UST: variants seen among roughly 807,000 people sequenced by gnomAD.
UST encodes the protein uronyl 2-sulfotransferase.
Under a neutral mutation model 45.6 loss-of-function variants are expected in UST, and 21 were observed. That is an observed-to-expected ratio of 0.46 (90% CI 0.33 to 0.66). The LOEUF (loss-of-function observed/expected upper bound fraction) is 0.66, where lower values mean the gene tolerates loss of function less well. Ranked by LOEUF, UST falls within the 30% of genes least tolerant of loss-of-function variation. The probability of loss-of-function intolerance (pLI) is 0.02; values close to 1 mark genes in which losing one functional copy is unlikely to be tolerated. For missense variants in UST, 463 were observed against 512.4 expected, an observed-to-expected ratio of 0.90 and a Z score of 0.93; for synonymous variants, 215 against 200.6, an observed-to-expected ratio of 1.07 and a Z score of -0.61.
intron 7 of UST, among the ~76,000 whole-genome samples, chr6:149,043,015 CT>C (rs761905752): frequency 8.4e-6 from 1 of 119,724 alleles, no homozygotes; most frequent in African/African-American, 3.7e-5. Flanking sequence ...TTCTTTCTTT[CT>C]TTCTTTTTCT....
At chr6:149,055,378 A>G (rs1166655225) in intron 7 of UST, among the ~76,000 whole-genome samples, 1 of 152,198 alleles carries the variant, frequency 6.6e-6, no homozygotes, top group Non-Finnish European at 1.5e-5. Flanking sequence ...TTAGAACATT[A>G]TGAAATTTCA....
chr6:148,999,946 CA>C (rs771030188), intron 5 of UST, among the ~76,000 whole-genome samples: 8 of 152,194 alleles, frequency 5.3e-5, no homozygotes, highest in Non-Finnish European at 8.8e-5. Context: ...AAGGATTTAC[CA>C]GCTTTATTAT....
intron 7 of UST, among the ~76,000 whole-genome samples, chr6:149,037,160 C>T (rs1429194319): frequency 6.6e-6 from 1 of 152,086 alleles, no homozygotes; most frequent in African/African-American, 2.4e-5. Context: ...GAAAAGCAGC[C>T]ATCGTGAAGG....
chr6:148,905,270 A>G (rs1419004277), intron 2 of UST, among the ~76,000 whole-genome samples: 2 of 152,082 alleles, frequency 1.3e-5, no homozygotes, highest in African/African-American at 4.8e-5. Flanking sequence ...ATGAACCCCC[A>G]TGTGGCCTCT....
At chr6:148,840,809 C>T (rs1348129438) in intron 1 of UST, among the ~76,000 whole-genome samples, 1 of 152,148 alleles carries the variant, frequency 6.6e-6, no homozygotes, top group Non-Finnish European at 1.5e-5. Flanking sequence ...GACTGCCCCT[C>T]ACCTACTGAG....
At chr6:148,881,051 C>T (rs1312873489) in intron 1 of UST, among the ~76,000 whole-genome samples, 3 of 151,714 alleles carry the variant, frequency 2.0e-5, no homozygotes, top group Admixed American at 6.6e-5. Flanking sequence ...AAAATTAAAC[C>T]GTTAGTGTAG....
chr6:148,841,581 G>GTTTTTTTTTTTTT (rs770638985), intron 1 of UST, among the ~76,000 whole-genome samples: 1 of 111,290 alleles, frequency 9.0e-6, no homozygotes, highest in Non-Finnish European at 1.9e-5. Context: ...GGTCTGTTTT[G>GTTTTTTTTTTTTT]TTTTTGTTTT....
In UST at chr6:148,917,175, A is replaced by AC. The variant is rs561149079; in HGVS notation, c.292-24097dup. Among the ~76,000 whole-genome samples, 343 of 151,682 alleles carry AC rather than the reference A, an allele frequency of 2.3e-3. 1 individual carries two copies. The highest frequency in any genetic ancestry group is 3.4e-3 in the Non-Finnish European group (234 of 67,856). On this transcript the variant is annotated intron_variant, in intron 2 of 7. Transcript: ENST00000367463. ...AGGAAAGGCTGCTTAGGGCAGCAGC[A>AC]CCCCCCCACCCTCCTTTCTTCCCCC... is the stretch of plus-strand genomic sequence containing the variant.
chr6:148,860,634 G>T (rs1053677377), intron 1 of UST, among the ~76,000 whole-genome samples: 2 of 152,290 alleles, frequency 1.3e-5, no homozygotes, highest in Admixed American at 6.5e-5. Context: ...CTGTGGGTTT[G>T]TCATAAATAG....
intron 7 of UST, among the ~76,000 whole-genome samples, chr6:149,058,535 A>G (rs1776605640): frequency 6.6e-6 from 1 of 152,220 alleles, no homozygotes; most frequent in South Asian, 2.1e-4. Context: ...AGATACCAAA[A>G]GAATTTAGAA....
chr6:149,017,192 A>G (rs1485688814), intron 5 of UST, among the ~76,000 whole-genome samples: 1 of 152,202 alleles, frequency 6.6e-6, no homozygotes, highest in African/African-American at 2.4e-5. Flanking sequence ...CGTGGCTAAC[A>G]CGGTGAAACC....
intron 2 of UST, among the ~76,000 whole-genome samples, chr6:148,902,935 A>G (rs999439996): frequency 2.6e-5 from 4 of 152,142 alleles, no homozygotes; most frequent in Non-Finnish European, 5.9e-5. Context: ...TTATTATAAC[A>G]TTCTTTGGTT....
intron 1 of UST, among the ~76,000 whole-genome samples, chr6:148,805,236 G>T (rs910637414): frequency 6.6e-6 from 1 of 152,106 alleles, no homozygotes; most frequent in African/African-American, 2.4e-5. Context: ...TATGCAATTT[G>T]GTTGTTTATG....
At chr6:148,889,325 T>C (rs1325150705) in intron 2 of UST, among the ~76,000 whole-genome samples, 1 of 152,170 alleles carries the variant, frequency 6.6e-6, no homozygotes, top group Admixed American at 6.5e-5. Flanking sequence ...CTAGAGAGAG[T>C]GATATGGCTA....
intron 5 of UST, among the ~76,000 whole-genome samples, chr6:148,975,790 G>A (rs965249884): frequency 2.0e-5 from 3 of 152,100 alleles, no homozygotes; most frequent in African/African-American, 7.2e-5. Context: ...GGATTAAAAA[G>A]GTAAAATGTG....
At chr6:148,749,058 A>G (rs1044000673) in intron 1 of UST, among the ~76,000 whole-genome samples, 6 of 152,236 alleles carry the variant, frequency 3.9e-5, no homozygotes, top group African/African-American at 1.2e-4. Context: ...ACCTTGTACA[A>G]GACCTCATAT....
intron 5 of UST, among the ~76,000 whole-genome samples, chr6:148,991,809 A>G (rs1289614554): frequency 2.0e-5 from 3 of 152,188 alleles, no homozygotes; most frequent in African/African-American, 7.2e-5. Context: ...TGTTTATTAT[A>G]TACATTTAAG....
chr6:148,876,099 G>A (rs1012978458), intron 1 of UST, among the ~76,000 whole-genome samples: 2 of 152,162 alleles, frequency 1.3e-5, no homozygotes, highest in African/African-American at 2.4e-5. Context: ...GTATGGTGCT[G>A]GCATCTGCTT....
At chr6:148,870,621 A>G (rs1778531508) in intron 1 of UST, among the ~76,000 whole-genome samples, 1 of 152,056 alleles carries the variant, frequency 6.6e-6, no homozygotes, top group African/African-American at 2.4e-5. Flanking sequence ...CTTTTCTTCC[A>G]GATACAGCTG....
Sources: gnomAD v4.1 joint callset for allele counts (sites outside exome capture counted in the v4.1 genomes callset) on GRCh38, gnomAD v4.1.1 for gene constraint, MANE v1.5 for transcripts, NCBI Gene and HGNC (gene_info 2026-07-23, HGNC 2026-07-21) for gene names.